Variants in SWAP70 observed in about 807,000 individuals in gnomAD.
The protein encoded by SWAP70 is switch-associated protein 70.
In SWAP70, 34 loss-of-function variants were observed where a neutral mutation model predicts 80.2. The ratio of observed to expected loss-of-function variants is 0.42; its 90% CI spans 0.32 to 0.56. The LOEUF (loss-of-function observed/expected upper bound fraction) is 0.56. SWAP70 is among the 20% of genes least tolerant of loss of function. The pLI is 0.09. For synonymous variants in SWAP70, 239 were observed against 238.5 expected (o/e 1.00, Z -0.02); for missense variants, 578 against 690.7 (o/e 0.84, Z 1.83).
chr11:9,677,297 C>G (rs947148891), intron 1 of SWAP70, among the ~76,000 whole-genome samples: 1 of 151,848 alleles, frequency 6.6e-6, no homozygotes, highest in Non-Finnish European at 1.5e-5. Context: ...CTGAAAGATG[C>G]TAAATCTCCA....
intron 1 of SWAP70, among the ~76,000 whole-genome samples, chr11:9,670,204 G>A (rs1212311269): frequency 6.6e-6 from 1 of 152,136 alleles, no homozygotes; most frequent in Non-Finnish European, 1.5e-5. Flanking sequence ...AGTGAAGATG[G>A]ACAAGAGGGA....
chr11:9,684,371 C>T (rs1850605422), intron 1 of SWAP70, among the ~76,000 whole-genome samples: 1 of 152,194 alleles, frequency 6.6e-6, no homozygotes, highest in Non-Finnish European at 1.5e-5. Context: ...TGAGCCACTG[C>T]GTCCAGCCAG....
At chr11:9,731,515 A>T (rs1360059464) in intron 6 of SWAP70, among the ~76,000 whole-genome samples, 1 of 152,228 alleles carries the variant, frequency 6.6e-6, no homozygotes, top group Non-Finnish European at 1.5e-5. Context: ...CTAGCTATCT[A>T]TTAATAGGGA....
chr11:9,680,516 A>G (rs1234502392), intron 1 of SWAP70, among the ~76,000 whole-genome samples: 2 of 152,066 alleles, frequency 1.3e-5, no homozygotes, highest in Non-Finnish European at 2.9e-5. Context: ...CCTGGGTTCA[A>G]GTGATTCTCC....
chr11:9,678,929 C>T (rs1397834226), intron 1 of SWAP70, among the ~76,000 whole-genome samples: 4 of 152,114 alleles, frequency 2.6e-5, no homozygotes, highest in Non-Finnish European at 5.9e-5. Context: ...TTTTCTTCCC[C>T]AAGACTGCGT....
intron 1 of SWAP70, among the ~76,000 whole-genome samples, chr11:9,687,211 C>T (rs1850643819): frequency 6.6e-6 from 1 of 152,172 alleles, no homozygotes; most frequent in Non-Finnish European, 1.5e-5. Flanking sequence ...TGGAACTGCT[C>T]AAATATAGTT....
chr11:9,703,153 A>G (rs1447406101), intron 2 of SWAP70, among the ~76,000 whole-genome samples: 1 of 152,176 alleles, frequency 6.6e-6, no homozygotes, highest in African/African-American at 2.4e-5. Context: ...CCTATTCTGG[A>G]CATATAATAT....
intron 2 of SWAP70, among the ~76,000 whole-genome samples, chr11:9,708,372 G>T (rs188110192): frequency 7.2e-5 from 11 of 152,208 alleles, no homozygotes; most frequent in Admixed American, 3.3e-4. Flanking sequence ...ACTGTGTTTT[G>T]ATTTGCATTT....
intron 1 of SWAP70, among the ~76,000 whole-genome samples, chr11:9,672,025 A>G (rs1393870859): frequency 3.3e-5 from 4 of 120,442 alleles, no homozygotes; most frequent in Middle Eastern, 8.5e-3. Flanking sequence ...TTAATAATAT[A>G]TATTTTAATA....
chr11:9,725,530 AATATATATATATATAT>A (rs1211819180), intron 4 of SWAP70, among the ~76,000 whole-genome samples: 1 of 60,576 alleles, frequency 1.7e-5, no homozygotes, highest in Non-Finnish European at 2.9e-5. Context: ...AAAAATACAA[AATATATATATATATAT>A]ATATATATAT....
At chr11:9,672,528 TA>T (rs1342948541) in intron 1 of SWAP70, among the ~76,000 whole-genome samples, 28 of 134,972 alleles carry the variant, frequency 2.1e-4, no homozygotes, top group Admixed American at 1.8e-3. Flanking sequence ...CACACCTGGC[TA>T]ATTTTTTTTT....
chr11:9,747,978 G>C lies in SWAP70; in HGVS notation c.1476G>C (p.Lys492Asn). ...KQELENQRVL[K>N]EQALQEAMEQ... is the part of the protein sequence containing the mutation. Reference sequence around the variant, plus strand: ...AGTTGGAGAATCAGCGTGTCCTGAAGGAACAGGCCCTGCAGGAGGCCATGG... The same window carrying C: ...AGTTGGAGAATCAGCGTGTCCTGAACGAACAGGCCCTGCAGGAGGCCATGG... Residue 492 changes from lysine to asparagine, a missense_variant, in exon 10 of 12, where the codon AAG (lysine) becomes AAC (asparagine). Transcript: ENST00000318950. The C allele has an allele frequency of 3.1e-6, 5 of 1,614,208 alleles. No individual in the cohort carries two copies. Among genetic ancestry groups the C allele is most frequent in the Non-Finnish European group, 4.2e-6 (5 of 1,180,018 alleles).
chr11:9,723,911 T>C (rs1590038891), intron 3 of SWAP70, among the ~76,000 whole-genome samples: 2 of 152,252 alleles, frequency 1.3e-5, no homozygotes, highest in East Asian at 1.9e-4. Flanking sequence ...TAGCTGGGAT[T>C]ACAGGTGTGC....
chr11:9,722,024 G>C (rs1851144854), intron 3 of SWAP70, among the ~76,000 whole-genome samples: 1 of 152,134 alleles, frequency 6.6e-6, no homozygotes, highest in Non-Finnish European at 1.5e-5. Flanking sequence ...ATTTAGTTTT[G>C]TATTCTTCAC....
chr11:9,664,365 G>T (rs1850282867), intron 1 of SWAP70, 87 bp downstream of exon 1: 2 of 1,412,496 alleles, frequency 1.4e-6, no homozygotes, highest in Non-Finnish European at 9.6e-7. Flanking sequence ...CTGGCGGGCC[G>T]TGACCGCAGG....
chr11:9,700,219 A>C (rs1850814373), intron 2 of SWAP70, among the ~76,000 whole-genome samples: 1 of 152,196 alleles, frequency 6.6e-6, no homozygotes, highest in Non-Finnish European at 1.5e-5. Flanking sequence ...ATGAGCCACT[A>C]AATTTGGAGA....
At chr11:9,694,368 T>G in intron 2 of SWAP70, 82 bp downstream of exon 2, 1 of 1,416,346 alleles carries the variant, frequency 7.1e-7, no homozygotes, top group Non-Finnish European at 9.4e-7. Context: ...TGTTGGTGAG[T>G]TCACTAAGGA....
chr11:9,664,095 C>A lies in SWAP70; in HGVS notation c.-85C>A. 1 of 1,312,546 alleles carries A rather than the reference C, an allele frequency of 7.6e-7. No individual in the cohort carries two copies. The highest frequency in any genetic ancestry group is 1.0e-6 in the Non-Finnish European group (1 of 979,424). The allele number at this position is 1,312,546 out of a possible 1,614,324, so 81.3% of individuals were successfully genotyped here. On this transcript the variant is annotated 5_prime_UTR_variant, in exon 1 of 12. The change creates a new upstream start codon in the 5' untranslated region. Transcript: ENST00000318950. ...GCGGGTCAGGTGACTGCGCGGCGGG[C>A]TGTGGCTGCGGAGGTTGAGGGGCGT...
chr11:9,732,389 A>G lies in SWAP70; in HGVS notation c.899-140A>G, dbSNP rs1009352637. The G allele has an allele frequency of 5.8e-6, 5 of 857,616 alleles. No homozygotes were observed. The African/African-American group carries it at 7.0e-5, about 12-fold the overall frequency. 53.1% of individuals were successfully genotyped at this position (857,616 alleles called of 1,614,324 possible). ...TGTGACTGCTCAGGGTCACACCACT[A>G]TGGAGTGACAAAATCAGAATCTACA... On this transcript the variant is annotated intron_variant, in intron 6 of 11. Coordinates refer to ENST00000318950, the MANE Select transcript of SWAP70 (RefSeq NM_015055.4).
Sources: allele counts gnomAD v4.1 joint callset (sites outside exome capture counted in the v4.1 genomes callset), GRCh38; gene constraint gnomAD v4.1.1; transcripts MANE v1.5; gene names NCBI Gene and HGNC (gene_info 2026-07-23, HGNC 2026-07-21).